The following UBR3 variants were observed in gnomAD, a reference collection of about 807,000 sequenced individuals.
The protein encoded by UBR3 is ubiquitin protein ligase E3 component n-recognin 3, also known as E3 ubiquitin-protein ligase UBR3.
In UBR3, 85 loss-of-function variants were observed where a neutral mutation model predicts 243.2. The ratio of observed to expected loss-of-function variants is 0.35; its 90% CI spans 0.29 to 0.42. The LOEUF (loss-of-function observed/expected upper bound fraction) is 0.42, where lower values mean the gene tolerates loss of function less well. Among genes scored for constraint, UBR3 ranks in the 10% least tolerant of loss-of-function variants. UBR3 has a pLI of 1.00. For missense variants in UBR3, 1,686 were observed against 2,300.8 expected (o/e 0.73, Z 5.47); for synonymous variants, 748 against 799.8 (o/e 0.94, Z 1.09).
rs780383414 is a variant in UBR3 at position 169,958,545 on chromosome 2, T to G, written c.3634+19T>G. 6 of 1,599,626 alleles carry G rather than the reference T, an allele frequency of 3.8e-6. No homozygotes were observed. The highest frequency in any genetic ancestry group is 5.1e-6 in the Non-Finnish European group (6 of 1,168,438). ...GATGTTGGTAAGTCAAAATTATTAG[T>G]TTAGAACTCTCATAATTATACTTAT... On this transcript the variant is annotated intron_variant, in intron 24 of 38. Transcript: ENST00000272793.
At chr2:169,987,206 A>G (rs766094912) in intron 25 of UBR3, among the ~76,000 whole-genome samples, 30 of 152,068 alleles carry the variant, frequency 2.0e-4, no homozygotes, top group Non-Finnish European at 4.0e-4. Context: ...CTACATGGCC[A>G]ACATGGTGAA....
In UBR3 at chr2:170,083,676, AT is replaced by A. The variant is rs1331197215; in HGVS notation, c.*1836del. 2.0e-5 allele frequency: 3 copies of A among 152,624 alleles called. No individual in the cohort carries two copies. The highest frequency in any genetic ancestry group is 2.9e-5 in the Non-Finnish European group (2 of 68,010). The allele number at this position is 152,624 out of a possible 1,614,324, so 9.5% of individuals were successfully genotyped here. A position where few individuals can be genotyped will look rare whatever the true frequency, so the allele number is the denominator to read the frequency against. On this transcript the variant is annotated 3_prime_UTR_variant, in exon 39 of 39. Coordinates refer to ENST00000272793, the MANE Select transcript of UBR3 (RefSeq NM_172070.4). ...TGTATTCAGACTTTGATTACTACTT[AT>A]TTAAAATGGAATGTTTTATGGTTGT...
At chr2:169,861,113 A>G (rs747339537) in intron 1 of UBR3, among the ~76,000 whole-genome samples, 22 of 152,180 alleles carry the variant, frequency 1.4e-4, no homozygotes, top group Non-Finnish European at 2.5e-4. Flanking sequence ...TCTGGCAGCT[A>G]ATTAGATGGT....
At chr2:170,006,281 T>C (rs2105404108) in intron 27 of UBR3, among the ~76,000 whole-genome samples, 1 of 152,346 alleles carries the variant, frequency 6.6e-6, no homozygotes, top group Admixed American at 6.5e-5. Context: ...AAAATGTATC[T>C]TAACTCTTTA....
intron 1 of UBR3, among the ~76,000 whole-genome samples, chr2:169,854,013 G>T (rs1043230613): frequency 3.3e-5 from 5 of 150,436 alleles, no homozygotes; most frequent in African/African-American, 1.2e-4. Context: ...ACACACTGGG[G>T]TCTGTTGGGG....
chr2:169,935,918 G>A (rs1195027311), intron 19 of UBR3, among the ~76,000 whole-genome samples: 2 of 152,000 alleles, frequency 1.3e-5, no homozygotes, highest in African/African-American at 4.8e-5. Context: ...AAGAAATGAA[G>A]TAAAATTAAA....
At chr2:169,883,006 A>G (rs1236461985) in intron 5 of UBR3, among the ~76,000 whole-genome samples, 1 of 152,206 alleles carries the variant, frequency 6.6e-6, no homozygotes, top group Non-Finnish European at 1.5e-5. Flanking sequence ...TTCTTTCTAT[A>G]AAGTGGATAA....
intron 18 of UBR3, among the ~76,000 whole-genome samples, chr2:169,930,698 T>C (rs1285130997): frequency 6.6e-6 from 1 of 152,154 alleles, no homozygotes; most frequent in Non-Finnish European, 1.5e-5. Flanking sequence ...TTTTTTATCT[T>C]TGGATTTGGC....
At chr2:170,048,472 A>G (rs2091141617) in intron 32 of UBR3, among the ~76,000 whole-genome samples, 2 of 152,136 alleles carry the variant, frequency 1.3e-5, no homozygotes, top group African/African-American at 4.8e-5. Context: ...ATAAATACTC[A>G]TGACTCTTCC....
rs944892222 is a variant in UBR3 at position 170,082,923 on chromosome 2, A to T, written c.*1080A>T. 1 of 152,594 alleles carries T rather than the reference A, an allele frequency of 6.6e-6. No homozygotes were observed. The highest frequency in any genetic ancestry group is 2.4e-5 in the African/African-American group (1 of 41,442). The allele number at this position is 152,594 out of a possible 1,614,324, so 9.5% of individuals were successfully genotyped here. A position where few individuals can be genotyped will look rare whatever the true frequency, so the allele number is the denominator to read the frequency against. Reference sequence around the variant, plus strand: ...TTCTTCTTAGAAACTGCTGTGAAAAACAATTTATGTTTGCAGGGTTTAAAA... The same window carrying T: ...TTCTTCTTAGAAACTGCTGTGAAAATCAATTTATGTTTGCAGGGTTTAAAA... On this transcript the variant is annotated 3_prime_UTR_variant, in exon 39 of 39. Coordinates refer to ENST00000272793, the MANE Select transcript of UBR3 (RefSeq NM_172070.4).
chr2:169,898,183 G>A (rs890710296), intron 8 of UBR3, among the ~76,000 whole-genome samples: 2 of 152,134 alleles, frequency 1.3e-5, no homozygotes, highest in African/African-American at 4.8e-5. Flanking sequence ...ATTCTCTGAG[G>A]AGGAGAAATC....
intron 22 of UBR3, 129 bp downstream of exon 22, chr2:169,947,844 A>G: frequency 8.1e-7 from 1 of 1,240,274 alleles, no homozygotes; most frequent in Non-Finnish European, 1.0e-6. Flanking sequence ...ATTGTCTTTT[A>G]TTTCCTCTGA....
At chr2:169,880,092 G>A (rs969767264) in intron 5 of UBR3, among the ~76,000 whole-genome samples, 1 of 152,122 alleles carries the variant, frequency 6.6e-6, no homozygotes, top group African/African-American at 2.4e-5. Context: ...ATTAAAAGGC[G>A]AGTTCTCAGA....
intron 29 of UBR3, among the ~76,000 whole-genome samples, chr2:170,009,934 A>G (rs2090035213): frequency 6.6e-6 from 1 of 152,128 alleles, no homozygotes; most frequent in Non-Finnish European, 1.5e-5. Flanking sequence ...CAAAAGAGTA[A>G]ATGAACTATA....
At chr2:170,033,724 C>T (rs1440621741) in intron 31 of UBR3, among the ~76,000 whole-genome samples, 1 of 151,380 alleles carries the variant, frequency 6.6e-6, no homozygotes, top group Non-Finnish European at 1.5e-5. Context: ...TTCCTCACCT[C>T]AACACTCTTC....
intron 35 of UBR3, among the ~76,000 whole-genome samples, chr2:170,071,883 A>C (rs2091704996): frequency 6.6e-6 from 1 of 152,196 alleles, no homozygotes; most frequent in Non-Finnish European, 1.5e-5. Flanking sequence ...GGAGAAGGCA[A>C]ATTTGATTTT....
intron 4 of UBR3, 76 bp downstream of exon 4, chr2:169,877,713 A>G: frequency 7.3e-7 from 1 of 1,374,110 alleles, no homozygotes; most frequent in Admixed American, 3.2e-5. Flanking sequence ...AACTTTACTC[A>G]TTATTGAAAA....
At position 169,925,689 on chromosome 2, in the gene UBR3, C is replaced by T. The variant is rs2085884658; in HGVS notation, c.2093C>T (p.Thr698Met). ...CTGCAAATCAAAGGACAAGCCATGA[C>T]GTATGTCCAGTCTCATTTCTGTAAT... is the stretch of plus-strand genomic sequence containing the variant. ...NGLQIKGQAM[T>M]YVQSHFCNSM... is the part of the protein sequence containing the mutation. The change falls in exon 14 of 39, where the codon ACG becomes ATG. Residue 698 changes from threonine (T) to methionine (M), a missense_variant. Coordinates refer to ENST00000272793, the MANE Select transcript of UBR3 (RefSeq NM_172070.4). The T allele has an allele frequency of 6.4e-7, 1 of 1,550,862 alleles. No individual in the cohort carries two copies. Among genetic ancestry groups the T allele is most frequent in the Non-Finnish European group, 8.7e-7 (1 of 1,146,474 alleles).
At position 169,882,339 on chromosome 2, in the gene UBR3, AAT is replaced by A. The variant is rs1559054787; in HGVS notation, c.1038+3772_1038+3773del. Among the ~76,000 whole-genome samples, 106 of 137,370 alleles carry A rather than the reference AAT, an allele frequency of 7.7e-4. 1 individual carries two copies. Among genetic ancestry groups the A allele is most frequent in the Non-Finnish European group, 1.1e-3 (71 of 64,980 alleles). The allele number at this position is 137,370 out of a possible 152,430, so 90.1% of individuals were successfully genotyped here. On this transcript the variant is annotated intron_variant, in intron 5 of 38. Transcript: ENST00000272793. ...TTTATATATTATATATGTATTATATAATATATATGTAAATATATATTATATAT... is the reference window on the plus strand; with the variant it reads ...TTTATATATTATATATGTATTATATAATATATGTAAATATATATTATATAT...
Sources: allele counts gnomAD v4.1 joint callset (sites outside exome capture counted in the v4.1 genomes callset), GRCh38; gene constraint gnomAD v4.1.1; transcripts MANE v1.5; gene names NCBI Gene and HGNC (gene_info 2026-07-23, HGNC 2026-07-21).